Variants in XPR1 observed in about 807,000 individuals in gnomAD.
XPR1 encodes the protein xenotropic and polytropic retrovirus receptor 1.
In XPR1, 28 loss-of-function variants were observed where a neutral mutation model predicts 87.5. The observed-to-expected ratio is 0.32, with a 90% CI of 0.24 to 0.44. XPR1 has a LOEUF of 0.44. Ranked by LOEUF, XPR1 falls within the 20% of genes least tolerant of loss-of-function variation. The pLI is 1.00. For synonymous variants in XPR1, 300 were observed against 306.1 expected, an observed-to-expected ratio of 0.98 and a Z score of 0.21; for missense variants, 559 against 862.3, an observed-to-expected ratio of 0.65 and a Z score of 4.41.
chr1:180,832,386 T>G (rs1345512297), intron 9 of XPR1, among the ~76,000 whole-genome samples: 1 of 152,136 alleles, frequency 6.6e-6, no homozygotes, highest in East Asian at 1.9e-4. Flanking sequence ...AGAAGCTCTT[T>G]AATTTAATTA....
Position 180,716,125 on chromosome 1 carries a change from A to G in XPR1, c.121+33714A>G, listed in dbSNP as rs141378719. On this transcript the variant is annotated intron_variant, in intron 2 of 14. Coordinates refer to ENST00000367590, the MANE Select transcript of XPR1 (RefSeq NM_004736.4). ...AAACTTTGGGCTATATCAGCTACAGAGTTTTGGGGGGTTTTTTGTTTGTTT... is the reference window on the plus strand; with the variant it reads ...AAACTTTGGGCTATATCAGCTACAGGGTTTTGGGGGGTTTTTTGTTTGTTT... Among the ~76,000 whole-genome samples, 441 of 151,934 alleles carry G rather than the reference A, an allele frequency of 2.9e-3. 3 individuals are homozygous for G. The highest frequency in any genetic ancestry group is 9.6e-3 in the African/African-American group (399 of 41,432).
chr1:180,690,177 T>C (rs924847764), intron 2 of XPR1, among the ~76,000 whole-genome samples: 4 of 151,744 alleles, frequency 2.6e-5, no homozygotes, highest in Admixed American at 2.0e-4. Flanking sequence ...AAAGTGTATT[T>C]AAATAAAATA....
intron 1 of XPR1, among the ~76,000 whole-genome samples, chr1:180,648,177 A>T (rs1655181877): frequency 6.6e-6 from 1 of 152,166 alleles, no homozygotes; most frequent in Non-Finnish European, 1.5e-5. Context: ...AATTATTGTA[A>T]TTCAGTTTCC....
At chr1:180,640,501 A>G (rs964322522) in intron 1 of XPR1, among the ~76,000 whole-genome samples, 38 of 152,254 alleles carry the variant, frequency 2.5e-4, no homozygotes, top group Non-Finnish European at 1.0e-4. Flanking sequence ...GTTTTATGAA[A>G]AATGAATAAA....
chr1:180,688,943 A>T (rs1040847052), intron 2 of XPR1, among the ~76,000 whole-genome samples: 12 of 152,112 alleles, frequency 7.9e-5, no homozygotes, highest in Non-Finnish European at 1.8e-4. Context: ...GTATTTGATT[A>T]ATCTATTTTA....
intron 1 of XPR1, among the ~76,000 whole-genome samples, chr1:180,681,991 G>T (rs184776586): frequency 1.2e-4 from 19 of 152,136 alleles, no homozygotes; most frequent in African/African-American, 4.6e-4. Flanking sequence ...AAAGATACTT[G>T]TATCCAGTTC....
chr1:180,759,529 T>C (rs1000253062), intron 2 of XPR1, among the ~76,000 whole-genome samples: 5 of 152,150 alleles, frequency 3.3e-5, no homozygotes, highest in African/African-American at 1.2e-4. Flanking sequence ...AATGGATAAA[T>C]TCCTCGACAC....
At chr1:180,837,208 C>T (rs1312288751) in intron 11 of XPR1, among the ~76,000 whole-genome samples, 1 of 152,240 alleles carries the variant, frequency 6.6e-6, no homozygotes, top group African/African-American at 2.4e-5. Context: ...TTACTTGAGA[C>T]TGCTCTTCTG....
intron 3 of XPR1, among the ~76,000 whole-genome samples, chr1:180,796,771 A>G (rs966939455): frequency 5.3e-5 from 8 of 152,238 alleles, no homozygotes; most frequent in Admixed American, 6.5e-5. Flanking sequence ...CCTTTTGGCT[A>G]AGATCAAGTG....
chr1:180,819,040 C>T (rs1650515653), intron 7 of XPR1, among the ~76,000 whole-genome samples: 1 of 152,164 alleles, frequency 6.6e-6, no homozygotes. Flanking sequence ...GCCTAGACCT[C>T]CTGGGCTCAG....
chr1:180,728,326 T>C (rs1297330853), intron 2 of XPR1, among the ~76,000 whole-genome samples: 2 of 147,876 alleles, frequency 1.4e-5, no homozygotes, highest in Non-Finnish European at 3.0e-5. Flanking sequence ...GAAAACTATG[T>C]TGATGGGGCT....
chr1:180,858,630 G>T (rs1652116035), intron 11 of XPR1, among the ~76,000 whole-genome samples: 1 of 152,170 alleles, frequency 6.6e-6, no homozygotes. Context: ...TTTTAAGAAT[G>T]TGAATTTTCT....
intron 2 of XPR1, among the ~76,000 whole-genome samples, chr1:180,779,435 CA>C (rs1440301456): frequency 6.6e-6 from 1 of 152,064 alleles, no homozygotes; most frequent in Admixed American, 6.6e-5. Flanking sequence ...TAATATAATT[CA>C]CATATAAAAT....
intron 1 of XPR1, among the ~76,000 whole-genome samples, chr1:180,656,418 TATAAATATTTATATATTTATA>T: frequency 1.3e-5 from 1 of 76,264 alleles, no homozygotes; most frequent in African/African-American, 5.9e-5. Flanking sequence ...TATATTTATA[TATAAATATTTATATATTTATA>T]TATAAATATT....
chr1:180,713,514 C>T (rs1453297565), intron 2 of XPR1, among the ~76,000 whole-genome samples: 8 of 152,152 alleles, frequency 5.3e-5, no homozygotes, highest in Admixed American at 5.2e-4. Context: ...TGGGCTGAAT[C>T]TCTAATGCAA....
intron 2 of XPR1, among the ~76,000 whole-genome samples, chr1:180,698,398 T>A (rs1328963195): frequency 6.6e-6 from 1 of 152,162 alleles, no homozygotes. Context: ...ATCTTTTAAG[T>A]GGGGAATTTA....
chr1:180,780,330 C>G (rs1006730666), intron 2 of XPR1, among the ~76,000 whole-genome samples: 4 of 152,094 alleles, frequency 2.6e-5, no homozygotes, highest in African/African-American at 9.7e-5. Flanking sequence ...CTTGTTATTG[C>G]CTTTTTAAAT....
intron 7 of XPR1, among the ~76,000 whole-genome samples, chr1:180,813,403 T>C (rs893106608): frequency 2.0e-5 from 3 of 152,190 alleles, no homozygotes; most frequent in African/African-American, 7.2e-5. Flanking sequence ...AAATAATCTA[T>C]TCTGTCCCTT....
At chr1:180,665,862 CT>C (rs1215230319) in intron 1 of XPR1, among the ~76,000 whole-genome samples, 1 of 152,036 alleles carries the variant, frequency 6.6e-6, no homozygotes, top group African/African-American at 2.4e-5. Context: ...CATATGAAGG[CT>C]TTTTTTGTGT....
Sources: allele counts gnomAD v4.1 joint callset (sites outside exome capture counted in the v4.1 genomes callset), GRCh38; gene constraint gnomAD v4.1.1; transcripts MANE v1.5; gene names NCBI Gene and HGNC (gene_info 2026-07-23, HGNC 2026-07-21).